ATP8B1: variants seen among roughly 807,000 people sequenced by gnomAD.
The protein encoded by ATP8B1 is phospholipid-transporting ATPase IC.
In ATP8B1, 80 loss-of-function variants were observed where a neutral mutation model predicts 149.9. That is an observed-to-expected ratio of 0.53 (90% CI 0.45 to 0.64). The LOEUF (loss-of-function observed/expected upper bound fraction) is 0.64, where lower values mean the gene tolerates loss of function less well. Among genes scored for constraint, ATP8B1 ranks in the 30% least tolerant of loss-of-function variants. The probability of loss-of-function intolerance (pLI) is 0.00; values close to 1 mark genes in which losing one functional copy is unlikely to be tolerated. For missense variants in ATP8B1, 1,247 were observed against 1,552.6 expected (o/e 0.80, Z 3.31); for synonymous variants, 536 against 562.8 (o/e 0.95, Z 0.67).
intron 23 of ATP8B1, among the ~76,000 whole-genome samples, chr18:57,654,762 C>T (rs530045096): frequency 6.7e-6 from 1 of 149,114 alleles, no homozygotes; most frequent in African/African-American, 2.5e-5. Context: ...TCTCGGCTCA[C>T]CACAACCTCT....
At chr18:57,668,395 A>G in intron 19 of ATP8B1, 34 bp downstream of exon 19, 4 of 1,530,386 alleles carry the variant, frequency 2.6e-6, no homozygotes, top group Non-Finnish European at 3.6e-6. Flanking sequence ...ATATTTGTGA[A>G]TTAACAGATA....
chr18:57,762,074 G>A (rs2080163187), intron 1 of ATP8B1, among the ~76,000 whole-genome samples: 2 of 151,454 alleles, frequency 1.3e-5, no homozygotes, highest in Admixed American at 6.6e-5. Flanking sequence ...TTGCATTAGA[G>A]TGGCACATTT....
chr18:57,651,085 A>G (rs1394592726), intron 26 of ATP8B1, among the ~76,000 whole-genome samples: 1 of 152,200 alleles, frequency 6.6e-6, no homozygotes, highest in Non-Finnish European at 1.5e-5. Flanking sequence ...CATTGATTAA[A>G]AATGCAAAGT....
At chr18:57,679,996 C>T (rs1316514258) in intron 15 of ATP8B1, among the ~76,000 whole-genome samples, 2 of 151,774 alleles carry the variant, frequency 1.3e-5, no homozygotes, top group Admixed American at 6.6e-5. Context: ...AACTACCTGG[C>T]CAGGCATGGT....
At chr18:57,649,315 TG>T (rs1290887742) in intron 27 of ATP8B1, among the ~76,000 whole-genome samples, 1 of 152,080 alleles carries the variant, frequency 6.6e-6, no homozygotes, top group Non-Finnish European at 1.5e-5. Context: ...CCTACCTACC[TG>T]GAGATATATA....
intron 2 of ATP8B1, among the ~76,000 whole-genome samples, chr18:57,726,848 G>A (rs1187376422): frequency 6.6e-6 from 1 of 152,226 alleles, no homozygotes; most frequent in Non-Finnish European, 1.5e-5. Flanking sequence ...GGGAGGCCAG[G>A]GTGGGCGAAT....
intron 2 of ATP8B1, among the ~76,000 whole-genome samples, chr18:57,714,589 A>AG (rs35810334): frequency 0.43 from 53,008 of 122,288 alleles, 10,110 homozygotes; most frequent in East Asian, 0.6. Flanking sequence ...GAGAGGAGGG[A>AG]GGGGGGAAGG....
At chr18:57,790,212 C>T (rs1269919097) in intron 1 of ATP8B1, among the ~76,000 whole-genome samples, 2 of 152,006 alleles carry the variant, frequency 1.3e-5, no homozygotes, top group Non-Finnish European at 2.9e-5. Context: ...CCACTCCCAT[C>T]ATCGGGCCCA....
chr18:57,747,924 A>G (rs2079979367), intron 1 of ATP8B1, among the ~76,000 whole-genome samples: 1 of 152,232 alleles, frequency 6.6e-6, no homozygotes, highest in Non-Finnish European at 1.5e-5. Context: ...CTGCAAACAT[A>G]TGGTTAATAT....
intron 13 of ATP8B1, 57 bp downstream of exon 13, chr18:57,688,241 AC>A: frequency 1.3e-6 from 2 of 1,541,852 alleles, no homozygotes; most frequent in Middle Eastern, 4.3e-4. Context: ...CCAAGTAATG[AC>A]CTGCACACGG....
At chr18:57,781,704 G>C (rs898165355) in intron 1 of ATP8B1, among the ~76,000 whole-genome samples, 2 of 152,230 alleles carry the variant, frequency 1.3e-5, no homozygotes, top group Non-Finnish European at 2.9e-5. Context: ...GGTGGGTGCA[G>C]TGGCTCGCAC....
intron 22 of ATP8B1, chr18:57,659,770 G>C (rs1910272752): frequency 6.6e-6 from 1 of 152,130 alleles, no homozygotes; most frequent in Non-Finnish European, 1.5e-5. Flanking sequence ...TGTTGAGGAA[G>C]ATAAAGTTGG....
At chr18:57,661,715 T>TATATA (rs1568183578) in intron 21 of ATP8B1, among the ~76,000 whole-genome samples, 166 of 38,712 alleles carry the variant, frequency 4.3e-3, no homozygotes, top group South Asian at 0.024. Flanking sequence ...ATATATATAT[T>TATATA]TTTTTTTTTT....
intron 2 of ATP8B1, among the ~76,000 whole-genome samples, chr18:57,717,087 G>T (rs1171696029): frequency 1.3e-5 from 2 of 152,024 alleles, no homozygotes; most frequent in Non-Finnish European, 2.9e-5. Context: ...GGTCAATGAA[G>T]AAATTAAACA....
intron 1 of ATP8B1, among the ~76,000 whole-genome samples, chr18:57,792,818 A>G (rs1398134383): frequency 6.6e-6 from 1 of 152,118 alleles, no homozygotes; most frequent in East Asian, 1.9e-4. Context: ...GAGTGGCTGG[A>G]AAAAGCTTAA....
At chr18:57,758,967 C>T (rs1397402872) in intron 1 of ATP8B1, among the ~76,000 whole-genome samples, 1 of 151,804 alleles carries the variant, frequency 6.6e-6, no homozygotes, top group Non-Finnish European at 1.5e-5. Flanking sequence ...ACTATCCTGG[C>T]CAACATGGTG....
At chr18:57,673,003 A>AT (rs397939311) in intron 16 of ATP8B1, among the ~76,000 whole-genome samples, 7 of 142,222 alleles carry the variant, frequency 4.9e-5, no homozygotes, top group South Asian at 2.2e-4. Context: ...ATGTATATAT[A>AT]AATATACATA....
At chr18:57,763,952 A>C (rs79826979) in intron 1 of ATP8B1, among the ~76,000 whole-genome samples, 3,106 of 152,280 alleles carry the variant, frequency 0.02, 77 homozygotes, top group African/African-American at 0.068. Flanking sequence ...TGGCCTGTTC[A>C]TGTTTCACAT....
chr18:57,701,335 T>C (rs767250187), intron 4 of ATP8B1, 22 bp from the exon 5 acceptor site: 5 of 1,597,746 alleles, frequency 3.1e-6, no homozygotes, highest in Non-Finnish European at 4.3e-6. Flanking sequence ...AAAGGGCTTA[T>C]GTGTGTGTCC....
Sources: gnomAD v4.1 joint callset for allele counts (sites outside exome capture counted in the v4.1 genomes callset) on GRCh38, gnomAD v4.1.1 for gene constraint, MANE v1.5 for transcripts, NCBI Gene and HGNC (gene_info 2026-07-23, HGNC 2026-07-21) for gene names.